DLG2: variants seen among roughly 807,000 people sequenced by gnomAD.
The protein encoded by DLG2 is discs large MAGUK scaffold protein 2.
In DLG2, 45 loss-of-function variants were observed where a neutral mutation model predicts 132.5. The observed-to-expected ratio is 0.34, with a 90% CI of 0.27 to 0.44. DLG2 has a LOEUF of 0.44. Among genes scored for constraint, DLG2 ranks in the 20% least tolerant of loss-of-function variants. The pLI is 1.00. For missense variants in DLG2, 1,045 were observed against 1,196.9 expected (o/e 0.87, Z 1.87); for synonymous variants, 424 against 419.6 (o/e 1.01, Z -0.13).
chr11:83,534,891 C>T (rs2095845186), intron 20 of DLG2, among the ~76,000 whole-genome samples: 1 of 152,196 alleles, frequency 6.6e-6, no homozygotes, highest in African/African-American at 2.4e-5. Flanking sequence ...TGCAGTGAGC[C>T]TAGATCATGC....
chr11:83,911,426 G>A (rs2076018023), intron 15 of DLG2, among the ~76,000 whole-genome samples: 1 of 152,046 alleles, frequency 6.6e-6, no homozygotes, highest in Non-Finnish European at 1.5e-5. Flanking sequence ...TACTCCTCAT[G>A]TAACTTGTCT....
intron 4 of DLG2, among the ~76,000 whole-genome samples, chr11:85,275,625 A>C (rs2077840201): frequency 1.3e-5 from 2 of 152,088 alleles, no homozygotes; most frequent in East Asian, 3.8e-4. Flanking sequence ...GATTTTCAGG[A>C]ATACTCTCAA....
At chr11:84,040,862 G>C (rs902579472) in intron 11 of DLG2, among the ~76,000 whole-genome samples, 1 of 151,910 alleles carries the variant, frequency 6.6e-6, no homozygotes, top group Non-Finnish European at 1.5e-5. Flanking sequence ...AGCATGGAAT[G>C]TTCTTCCATT....
At chr11:84,875,041 G>T (rs1438881005) in intron 6 of DLG2, among the ~76,000 whole-genome samples, 1 of 148,946 alleles carries the variant, frequency 6.7e-6, no homozygotes, top group Non-Finnish European at 1.5e-5. Flanking sequence ...AAAAAAAAGA[G>T]AAAGATTTAG....
intron 19 of DLG2, among the ~76,000 whole-genome samples, chr11:83,597,623 C>CA (rs771474125): frequency 0.036 from 4,514 of 125,032 alleles, 225 homozygotes; most frequent in African/African-American, 0.13. Context: ...CATCTCTACC[C>CA]CAAAAAAAAA....
intron 7 of DLG2, among the ~76,000 whole-genome samples, chr11:84,514,877 G>A (rs191683772): frequency 1.0e-3 from 158 of 151,998 alleles, no homozygotes; most frequent in African/African-American, 2.1e-3. Flanking sequence ...TTTCCATGAT[G>A]TGATTATTAC....
intron 6 of DLG2, among the ~76,000 whole-genome samples, chr11:84,860,859 C>T (rs138400185): frequency 6.8e-6 from 1 of 147,190 alleles, no homozygotes; most frequent in African/African-American, 2.5e-5. Flanking sequence ...ACTGCAATAG[C>T]CATGAAAGGA....
intron 11 of DLG2, among the ~76,000 whole-genome samples, chr11:84,005,504 A>T (rs1285776658): frequency 6.6e-6 from 1 of 151,716 alleles, no homozygotes; most frequent in Non-Finnish European, 1.5e-5. Context: ...AAATTGGACT[A>T]TATTAAACTT....
At chr11:83,981,218 GGAAAA>G (rs1412964572) in intron 11 of DLG2, among the ~76,000 whole-genome samples, 25 of 152,082 alleles carry the variant, frequency 1.6e-4, no homozygotes, top group Admixed American at 1.2e-3. Flanking sequence ...GAGAAGATAA[GGAAAA>G]GAAGCTAGAT....
intron 7 of DLG2, among the ~76,000 whole-genome samples, chr11:84,477,447 T>A (rs7951580): frequency 0.41 from 62,772 of 151,884 alleles, 18,485 homozygotes; most frequent in African/African-American, 0.84. Flanking sequence ...GTGAGCCAAT[T>A]TTGTGTCATT....
intron 6 of DLG2, among the ~76,000 whole-genome samples, chr11:84,915,799 A>C (rs1350595886): frequency 6.6e-6 from 1 of 151,872 alleles, no homozygotes; most frequent in East Asian, 1.9e-4. Flanking sequence ...AGCTTTCTGA[A>C]CGGCTAACAT....
chr11:84,120,694 G>C (rs977274493), intron 9 of DLG2, among the ~76,000 whole-genome samples: 9 of 152,182 alleles, frequency 5.9e-5, no homozygotes, highest in African/African-American at 2.2e-4. Context: ...GTGGCTTAGA[G>C]TAACTTAGTA....
intron 6 of DLG2, among the ~76,000 whole-genome samples, chr11:84,650,748 A>G (rs868138591): frequency 3.3e-5 from 5 of 151,874 alleles, no homozygotes; most frequent in Middle Eastern, 3.4e-3. Flanking sequence ...CCCAATAAGT[A>G]TATACTGATC....
chr11:83,842,163 C>T (rs573714019), intron 16 of DLG2, among the ~76,000 whole-genome samples: 4 of 152,288 alleles, frequency 2.6e-5, no homozygotes, highest in African/African-American at 7.2e-5. Context: ...CAAGCTGTGA[C>T]AGATCATCAG....
chr11:83,900,318 T>A (rs775056219), intron 15 of DLG2, among the ~76,000 whole-genome samples: 1 of 152,178 alleles, frequency 6.6e-6, no homozygotes, highest in South Asian at 2.1e-4. Context: ...GAAATGTGCA[T>A]AAGTAATGAG....
intron 3 of DLG2, among the ~76,000 whole-genome samples, chr11:85,427,723 G>A (rs534665698): frequency 1.3e-5 from 2 of 151,548 alleles, no homozygotes; most frequent in Non-Finnish European, 3.0e-5. Flanking sequence ...ATCAACTAAT[G>A]AGCAAAATAA....
chr11:83,546,761 T>G (rs918460469), intron 19 of DLG2, among the ~76,000 whole-genome samples: 1 of 152,144 alleles, frequency 6.6e-6, no homozygotes, highest in African/African-American at 2.4e-5. Context: ...ATTTCATGAT[T>G]TGATGATAAC....
intron 18 of DLG2, among the ~76,000 whole-genome samples, chr11:83,714,110 GA>G (rs1338294688): frequency 6.6e-6 from 1 of 152,102 alleles, no homozygotes; most frequent in Non-Finnish European, 1.5e-5. Flanking sequence ...TAACAAAACA[GA>G]AACAGTTGGT....
intron 7 of DLG2, among the ~76,000 whole-genome samples, chr11:84,252,855 G>C (rs1240252774): frequency 6.6e-6 from 1 of 152,120 alleles, no homozygotes; most frequent in Non-Finnish European, 1.5e-5. Context: ...ACGACATGGT[G>C]GTTTTGGAAA....
Sources: gnomAD v4.1 joint callset for allele counts (sites outside exome capture counted in the v4.1 genomes callset) on GRCh38, gnomAD v4.1.1 for gene constraint, MANE v1.5 for transcripts, NCBI Gene and HGNC (gene_info 2026-07-23, HGNC 2026-07-21) for gene names.